CALN1: variants seen among roughly 807,000 people sequenced by gnomAD.
The protein encoded by CALN1 is calneuron 1.
CALN1 carries 17 observed loss-of-function variants against 30.6 expected under a neutral mutation model. The observed-to-expected ratio is 0.56, with a 90% CI of 0.38 to 0.83. The LOEUF (loss-of-function observed/expected upper bound fraction) is 0.83, where lower values mean the gene tolerates loss of function less well. Ranked by LOEUF, CALN1 falls within the 40% of genes least tolerant of loss-of-function variation. The probability of loss-of-function intolerance (pLI) is 0.00; values close to 1 mark genes in which losing one functional copy is unlikely to be tolerated. For synonymous variants in CALN1, 156 were observed against 131.4 expected (o/e 1.19, Z -1.28); for missense variants, 291 against 354.9 (o/e 0.82, Z 1.45).
chr7:71,944,373 T>A (rs1335791502), intron 5 of CALN1, among the ~76,000 whole-genome samples: 1 of 152,070 alleles, frequency 6.6e-6, no homozygotes, highest in Admixed American at 6.5e-5. Context: ...GGTGGGTGGA[T>A]CATCTGAGGT....
chr7:72,046,656 G>C (rs1367642110), intron 4 of CALN1, among the ~76,000 whole-genome samples: 2 of 142,754 alleles, frequency 1.4e-5, no homozygotes, highest in Non-Finnish European at 3.0e-5. Context: ...GTTGCAGTGA[G>C]CCGAGATCAC....
At chr7:71,790,339 AAAGAAAGAAAAGAAAGAAAG>A (rs1562779785) in intron 6 of CALN1, among the ~76,000 whole-genome samples, 15 of 117,546 alleles carry the variant, frequency 1.3e-4, no homozygotes, top group African/African-American at 5.1e-4. Flanking sequence ...GGAAAGAAAG[AAAGAAAGAAAAGAAAGAAAG>A]AAAGAAAGAA....
At chr7:71,909,441 TAAA>T (rs998618878) in intron 5 of CALN1, among the ~76,000 whole-genome samples, 2 of 145,200 alleles carry the variant, frequency 1.4e-5, no homozygotes, top group East Asian at 4.0e-4. Flanking sequence ...ACTTACTGGT[TAAA>T]AAAAAAAAGC....
chr7:71,837,788 A>G (rs1789708846), intron 5 of CALN1, among the ~76,000 whole-genome samples: 1 of 152,194 alleles, frequency 6.6e-6, no homozygotes, highest in South Asian at 2.1e-4. Flanking sequence ...ACACAGCTAT[A>G]GAACAAAATG....
intron 3 of CALN1, among the ~76,000 whole-genome samples, chr7:72,117,779 G>A (rs576640682): frequency 2.6e-4 from 39 of 152,100 alleles, no homozygotes; most frequent in East Asian, 9.7e-4. Flanking sequence ...CCAACATGGC[G>A]AAACTCCATC....
At chr7:71,887,939 T>G (rs1446774030) in intron 5 of CALN1, among the ~76,000 whole-genome samples, 1 of 151,952 alleles carries the variant, frequency 6.6e-6, no homozygotes, top group Non-Finnish European at 1.5e-5. Flanking sequence ...GAGGGCATGA[T>G]TCGTTCAACC....
chr7:72,113,432 G>T (rs1331791715), intron 3 of CALN1, among the ~76,000 whole-genome samples: 1 of 152,092 alleles, frequency 6.6e-6, no homozygotes, highest in Non-Finnish European at 1.5e-5. Context: ...TATACAGTCC[G>T]CAAACCATGA....
intron 3 of CALN1, among the ~76,000 whole-genome samples, chr7:72,196,135 C>T (rs1050864491): frequency 7.3e-5 from 11 of 150,536 alleles, no homozygotes; most frequent in Non-Finnish European, 1.5e-4. Flanking sequence ...TTTTTTTAGA[C>T]AGGGTCTCGC....
intron 2 of CALN1, among the ~76,000 whole-genome samples, chr7:72,293,242 C>A (rs1798617397): frequency 6.6e-6 from 1 of 152,216 alleles, no homozygotes; most frequent in African/African-American, 2.4e-5. Context: ...GTATTCCCAC[C>A]CCTAGTCTGG....
At chr7:72,155,232 G>A (rs1477650326) in intron 3 of CALN1, among the ~76,000 whole-genome samples, 1 of 152,132 alleles carries the variant, frequency 6.6e-6, no homozygotes, top group African/African-American at 2.4e-5. Context: ...AACACCTTGG[G>A]CTTCCAGCCT....
At chr7:72,419,178 C>T (rs951947600) in intron 1 of CALN1, among the ~76,000 whole-genome samples, 2 of 152,138 alleles carry the variant, frequency 1.3e-5, no homozygotes, top group Non-Finnish European at 2.9e-5. Context: ...TGCCGCTGCT[C>T]AAAGCATCAC....
At chr7:71,944,993 T>C (rs1796333412) in intron 5 of CALN1, among the ~76,000 whole-genome samples, 1 of 152,142 alleles carries the variant, frequency 6.6e-6, no homozygotes, top group Admixed American at 6.5e-5. Flanking sequence ...TCCCCAATAC[T>C]GGAAGTGGGG....
At chr7:72,211,415 G>T (rs1476241978) in intron 3 of CALN1, among the ~76,000 whole-genome samples, 1 of 152,116 alleles carries the variant, frequency 6.6e-6, no homozygotes, top group Non-Finnish European at 1.5e-5. Flanking sequence ...CTCTCAGATG[G>T]AGCTCCATTT....
chr7:72,051,263 T>C (rs771193893), intron 4 of CALN1, among the ~76,000 whole-genome samples: 5 of 151,798 alleles, frequency 3.3e-5, no homozygotes, highest in Non-Finnish European at 5.9e-5. Context: ...GAAGAAAATA[T>C]AATTACAACT....
intron 1 of CALN1, among the ~76,000 whole-genome samples, chr7:72,430,995 T>A (rs1303312518): frequency 7.5e-6 from 1 of 134,028 alleles, no homozygotes; most frequent in African/African-American, 2.9e-5. Flanking sequence ...TGAGATGGAG[T>A]CTCGGCTCAC....
intron 5 of CALN1, among the ~76,000 whole-genome samples, chr7:71,916,497 G>A (rs1349933405): frequency 6.6e-6 from 1 of 152,068 alleles, no homozygotes; most frequent in African/African-American, 2.4e-5. Flanking sequence ...CCATAAAAAG[G>A]AATGAGATCA....
intron 3 of CALN1, among the ~76,000 whole-genome samples, chr7:72,192,208 T>C (rs570929492): frequency 5.5e-4 from 84 of 152,310 alleles, no homozygotes; most frequent in Non-Finnish European, 9.1e-4. Flanking sequence ...CTATTGCTCC[T>C]AGGGTACAAA....
intron 6 of CALN1, among the ~76,000 whole-genome samples, chr7:71,797,318 T>G (rs1243974749): frequency 6.6e-6 from 1 of 152,188 alleles, no homozygotes; most frequent in Non-Finnish European, 1.5e-5. Flanking sequence ...ATTCTTAGGA[T>G]AACCAGAGCC....
chr7:71,792,897 AT>A, intron 6 of CALN1, among the ~76,000 whole-genome samples: 1 of 151,860 alleles, frequency 6.6e-6, no homozygotes, highest in Admixed American at 6.6e-5. Flanking sequence ...AACAGGGATT[AT>A]CCCCCAGGAG....
Sources: allele counts gnomAD v4.1 joint callset (sites outside exome capture counted in the v4.1 genomes callset), GRCh38; gene constraint gnomAD v4.1.1; transcripts MANE v1.5; gene names NCBI Gene and HGNC (gene_info 2026-07-23, HGNC 2026-07-21).